ST6GALNAC6: variants seen among roughly 807,000 people sequenced by gnomAD.
ST6GALNAC6 encodes ST6 N-acetylgalactosaminide alpha-2,6-sialyltransferase 6, also known as alpha-N-acetylgalactosaminide alpha-2,6-sialyltransferase 6.
ST6GALNAC6 carries 19 observed loss-of-function variants against 34.3 expected under a neutral mutation model. The observed-to-expected ratio is 0.55, with a 90% CI of 0.39 to 0.81. The LOEUF is 0.81. Ranked by LOEUF, ST6GALNAC6 falls within the 40% of genes least tolerant of loss-of-function variation. ST6GALNAC6 has a pLI of 0.00. For missense variants in ST6GALNAC6, 377 were observed against 467.7 expected (o/e 0.81, Z 1.79); for synonymous variants, 185 against 182.1 (o/e 1.02, Z -0.13).
At chr9:127,893,535 G>C (rs1830270346) in intron 4 of ST6GALNAC6, among the ~76,000 whole-genome samples, 1 of 152,074 alleles carries the variant, frequency 6.6e-6, no homozygotes, top group South Asian at 2.1e-4. Flanking sequence ...CCTTCCCTGA[G>C]CCCTTACTCC....
intron 5 of ST6GALNAC6, 21 bp from the exon 6 acceptor site, chr9:127,887,612 C>T (rs762681977): frequency 1.8e-5 from 28 of 1,584,704 alleles, no homozygotes; most frequent in East Asian, 9.0e-5. Context: ...AGAGGGGTCA[C>T]GATGAGGGCA....
At position 127,885,635 on chromosome 9, in the gene ST6GALNAC6, G is replaced by T. The variant is rs2131444352; in HGVS notation, c.*964C>A. 6.6e-6 allele frequency: 1 copy of T among 152,274 alleles called. No individual in the cohort carries two copies. The highest frequency in any genetic ancestry group is 1.9e-4 in the East Asian group (1 of 5,196). 9.4% of individuals were successfully genotyped at this position (152,274 alleles called of 1,614,324 possible). A position where few individuals can be genotyped will look rare whatever the true frequency, so the allele number is the denominator to read the frequency against. On this transcript the variant is annotated 3_prime_UTR_variant, in exon 7 of 7. Transcript: ENST00000373146. ...CGAGGGAGACCCTCGGAAGCCCCCA[G>T]TGACTCCAGACAAAGGGGCAGCCCC...
rs191401602 is a variant in ST6GALNAC6, at chr9:127,893,322, A to G, written c.297+1190T>C. ...AGCTCTCCAAAGAAGACATCTTCCA[A>G]AAAGCACCCATGACATTTCCACAGC... On this transcript the variant is annotated intron_variant, in intron 4 of 6. Coordinates refer to ENST00000373146, the MANE Select transcript of ST6GALNAC6 (RefSeq NM_013443.5). 4.6e-5 allele frequency among the ~76,000 whole-genome samples: 7 copies of G among 152,312 alleles called. No homozygotes were observed. The East Asian group carries it at 1.2e-3, about 25-fold the overall frequency.
Position 127,891,058 on chromosome 9 carries a change from A to G in ST6GALNAC6, c.298-15T>C. On this transcript the variant is annotated splice_polypyrimidine_tract_variant and intron_variant, in intron 4 of 6. Transcript: ENST00000373146. ...GAGGGCAGTGTCTGGTGGATAAGGA[A>G]AGTCAACATTATCACGGCCACTCTG... is the stretch of plus-strand genomic sequence containing the variant. 2.5e-6 allele frequency: 4 copies of G among 1,612,316 alleles called. No individual in the cohort carries two copies. The highest frequency in any genetic ancestry group is 3.4e-6 in the Non-Finnish European group (4 of 1,179,066).
chr9:127,895,713 A>G (rs1231713469), intron 3 of ST6GALNAC6, among the ~76,000 whole-genome samples: 1 of 152,164 alleles, frequency 6.6e-6, no homozygotes, highest in Non-Finnish European at 1.5e-5. Flanking sequence ...ACTCAAATTA[A>G]TACAACCACC....
chr9:127,899,754 C>G (rs1830685474), upstream of ST6GALNAC6: 1 of 726,520 alleles, frequency 1.4e-6, no homozygotes, highest in Non-Finnish European at 1.7e-6. Flanking sequence ...GTGCCGCCGC[C>G]TGGTGAGCGC....
chr9:127,894,614 A>G lies in ST6GALNAC6; in HGVS notation c.195T>C (p.Asn65=), dbSNP rs755620047. Residue 65 remains asparagine, a synonymous_variant, in exon 4 of 7, where the codon AAT becomes AAC. Coordinates refer to ENST00000373146, the MANE Select transcript of ST6GALNAC6 (RefSeq NM_013443.5). ...GCAGGGAGCCGTAATGGAAGACCTC[A>G]TTGGCACTGTTGGAGCTGTAGAGGA... ...ILILYSSNSA[N]EVFHYGSLRG... The G allele has an allele frequency of 1.9e-6, 3 of 1,614,080 alleles. No homozygotes were observed. Among genetic ancestry groups the G allele is most frequent in the Non-Finnish European group, 2.5e-6 (3 of 1,180,036 alleles).
At chr9:127,894,772 G>C (rs527755180) in intron 3 of ST6GALNAC6, 81 bp from the exon 4 acceptor site, 1 of 1,514,172 alleles carries the variant, frequency 6.6e-7, no homozygotes, top group East Asian at 2.3e-5. Context: ...ACCATGCCTG[G>C]TTAACTCCTG....
chr9:127,904,758 T>C (rs1426762164), intron 1 of ST6GALNAC6: 1 of 152,242 alleles, frequency 6.6e-6, no homozygotes, highest in Non-Finnish European at 1.5e-5. Context: ...GGCTGCTCCA[T>C]AGCCCAAGAC....
At chr9:127,900,001 G>A (rs1280032171), upstream of ST6GALNAC6, among the ~76,000 whole-genome samples, 1 of 152,220 alleles carries the variant, frequency 6.6e-6, no homozygotes, top group Non-Finnish European at 1.5e-5. Context: ...CAAACTTAGG[G>A]TTCACCCTCA....
intron 5 of ST6GALNAC6, among the ~76,000 whole-genome samples, chr9:127,888,523 A>T (rs1829927505): frequency 1.3e-5 from 2 of 150,044 alleles, no homozygotes; most frequent in African/African-American, 2.5e-5. Context: ...AAAAAAAAAA[A>T]ATAGGCCGGG....
At chr9:127,892,809 C>G (rs1215520287) in intron 4 of ST6GALNAC6, among the ~76,000 whole-genome samples, 2 of 152,212 alleles carry the variant, frequency 1.3e-5, no homozygotes, top group East Asian at 1.9e-4. Context: ...GCCAACCAGA[C>G]CAGTGACCCA....
chr9:127,890,731 C>A lies in ST6GALNAC6; in HGVS notation c.610G>T (p.Gly204Cys), dbSNP rs1293282152. 1 of 1,613,614 alleles carries A rather than the reference C, an allele frequency of 6.2e-7. No individual in the cohort carries two copies. Among genetic ancestry groups the A allele is most frequent in the East Asian group, 2.2e-5 (1 of 44,896 alleles). ...GSLVRVIQRA[G>C]LVFPNMEAYA... ...GCTTCCATGTTGGGGAACACCAGGC[C>A]CGCTCGCTGGATCACACGCACGAGG... Residue 204 changes from glycine to cysteine, a missense_variant, in exon 5 of 7, where the codon GGC (glycine) becomes TGC (cysteine). Coordinates refer to ENST00000373146, the MANE Select transcript of ST6GALNAC6 (RefSeq NM_013443.5). The surrounding 1 kb of genome is among the most constrained non-coding windows in gnomAD (Gnocchi z 4.3).
intron 2 of ST6GALNAC6, 188 bp downstream of exon 2, chr9:127,897,768 T>G: frequency 7.1e-7 from 1 of 1,410,724 alleles, no homozygotes; most frequent in South Asian, 1.4e-5. Context: ...GCCTATATCT[T>G]ACTACGCGTG....
Position 127,890,050 on chromosome 9 carries a change from G to A in ST6GALNAC6, c.704+587C>T, listed in dbSNP as rs1830043947. Reference sequence around the variant, plus strand: ...GGGCTCAAGTCATCCTCCTGCCTCAGCCTCCTGAGTAGCTAGGACTACAGG... The same window carrying A: ...GGGCTCAAGTCATCCTCCTGCCTCAACCTCCTGAGTAGCTAGGACTACAGG... On this transcript the variant is annotated intron_variant, in intron 5 of 6. Coordinates refer to ENST00000373146, the MANE Select transcript of ST6GALNAC6 (RefSeq NM_013443.5). The surrounding 1 kb of genome is among the most constrained non-coding windows in gnomAD (Gnocchi z 4.3). Among the ~76,000 whole-genome samples the A allele has an allele frequency of 6.6e-6, 1 of 152,192 alleles. No homozygotes were observed. Among genetic ancestry groups the A allele is most frequent in the Non-Finnish European group, 1.5e-5 (1 of 68,042 alleles).
chr9:127,902,911 A>T (rs1830808285), upstream of ST6GALNAC6: 1 of 149,978 alleles, frequency 6.7e-6, no homozygotes, highest in Non-Finnish European at 1.5e-5. Flanking sequence ...ATATATATTT[A>T]AATATTTTTA....
upstream of ST6GALNAC6, among the ~76,000 whole-genome samples, chr9:127,901,818 A>G (rs1830769887): frequency 6.6e-6 from 1 of 151,596 alleles, no homozygotes; most frequent in Non-Finnish European, 1.5e-5. Flanking sequence ...CTGTAGTCCT[A>G]GCTACCCTGG....
At chr9:127,892,122 G>A (rs1055609583) in intron 4 of ST6GALNAC6, among the ~76,000 whole-genome samples, 4 of 152,162 alleles carry the variant, frequency 2.6e-5, no homozygotes, top group African/African-American at 9.7e-5. Context: ...TTGCACTCCA[G>A]CCTGGGCAAC....
In ST6GALNAC6 at chr9:127,897,874, C is replaced by G. The variant is rs567303117; in HGVS notation, c.26+82G>C. ...CCAGGACCACCGTCCCCCTGGTCCG[C>G]CCCGTCACAATCCTGCTCTGAGAAG... On this transcript the variant is annotated intron_variant, in intron 2 of 6. Coordinates refer to ENST00000373146, the MANE Select transcript of ST6GALNAC6 (RefSeq NM_013443.5). 7.5e-4 allele frequency: 1,202 copies of G among 1,604,352 alleles called. 18 individuals are homozygous for G. In the South Asian group the frequency reaches 0.013, roughly 17 times the overall value.
Sources: allele counts gnomAD v4.1 joint callset (sites outside exome capture counted in the v4.1 genomes callset), GRCh38; gene constraint gnomAD v4.1.1; non-coding constraint Gnocchi (gnomAD v3.1); transcripts MANE v1.5; gene names NCBI Gene and HGNC (gene_info 2026-07-23, HGNC 2026-07-21).